MAGEL2: variants seen among roughly 807,000 people sequenced by gnomAD.
MAGEL2 encodes the protein MAGE-like protein 2.
For synonymous variants in MAGEL2, 792 were observed against 721.7 expected (o/e 1.10, Z -1.56); for missense variants, 1,830 against 1,699.2 (o/e 1.08, Z -1.35).
rs374261657 is a variant in MAGEL2, at chr15:23,644,625, G to C, written c.3118C>G (p.Pro1040Ala). The change falls in exon 1 of 1, where the codon CCT becomes GCT. Residue 1040 changes from proline to alanine, a missense_variant. Pro to Ala is a conservative substitution (Grantham distance 27). Transcript: ENST00000650528. ...TTCACCATCTCCGAGCGCTGGACAG[G>C]CACCTTGGCTTGGTCCTTGACTAAG... ...FLLVKDQAKV[P>A]VQRSEMVKVI... 6 of 1,613,716 alleles carry C rather than the reference G, an allele frequency of 3.7e-6. No individual in the cohort carries two copies. The African/African-American group carries it at 8.0e-5, about 22-fold the overall frequency.
chr15:23,645,250 C>G lies in MAGEL2; in HGVS notation c.2493G>C (p.Leu831=), dbSNP rs1249235195. The G allele has an allele frequency of 3.7e-6, 6 of 1,613,886 alleles. No individual in the cohort carries two copies. In the Admixed American group the frequency reaches 6.7e-5, roughly 18 times the overall value. ...GCTGTGGGACCCATGGAACTGCAGG[C>G]AGGGCCTCTACACAGGCAAAGGGAT... The part of the protein sequence containing the change: ...LQDPFACVEA[L]PAVPWVPQPN... Residue 831 remains leucine (L), a synonymous_variant, in exon 1 of 1, where the codon CTG becomes CTC. Transcript: ENST00000650528.
Position 23,647,456 on chromosome 15 carries a change from C to A in MAGEL2, c.287G>T (p.Gly96Val). 6.5e-7 allele frequency: 1 copy of A among 1,534,890 alleles called. No individual in the cohort carries two copies. The highest frequency in any genetic ancestry group is 1.2e-5 in the South Asian group (1 of 83,930). The change falls in exon 1 of 1, where the codon GGG (glycine) becomes GTG (valine). Residue 96 changes from glycine (G) to valine (V), a missense_variant. Coordinates refer to ENST00000650528, the MANE Select transcript of MAGEL2 (RefSeq NM_019066.5). ...AGTCGGAGGCTTACCCATCGGGCCC[C>A]CCAGCGGGGGAGCCGGGACTATCGG... ...GGPIVPAPPLGGPMGKPPTPG... is the reference protein window; with the variant it reads ...GGPIVPAPPLVGPMGKPPTPG...
rs1186173993 is a variant in MAGEL2 at position 23,646,477 on chromosome 15, G to A, written c.1266C>T (p.Pro422=). The change falls in exon 1 of 1, where the codon CCC becomes CCT. Residue 422 remains proline, a synonymous_variant. Transcript: ENST00000650528. The surrounding 1 kb of genome is among the most constrained non-coding windows in gnomAD (Gnocchi z 4.2). ...GPPPIRPGPP[P]IRPGPPPVRQ... is the part of the protein sequence containing the mutation. ...GCACCGGTGGTGGGCCAGGGCGGAT[G>A]GGTGGTGGGCCAGGGCGGATGGGCG... is the stretch of plus-strand genomic sequence containing the variant. 8 of 1,440,674 alleles carry A rather than the reference G, an allele frequency of 5.6e-6. No homozygotes were observed. Among genetic ancestry groups the A allele is most frequent in the Non-Finnish European group, 6.3e-6 (7 of 1,104,638 alleles). 89.2% of individuals were successfully genotyped at this position (1,440,674 alleles called of 1,614,324 possible).
Position 23,646,555 on chromosome 15 carries a change from C to T in MAGEL2, c.1188G>A (p.Trp396Ter), listed in dbSNP as rs1890410630. 6 of 1,474,154 alleles carry T rather than the reference C, an allele frequency of 4.1e-6. No homozygotes were observed. Among genetic ancestry groups the T allele is most frequent in the African/African-American group, 1.4e-5 (1 of 71,296 alleles). The allele number at this position is 1,474,154 out of a possible 1,614,324, so 91.3% of individuals were successfully genotyped here. Reference sequence around the variant, plus strand: ...CCTGCCAGGTAACGGCTGGTGCCTGCCAGGTGACCTGCGTGGTCTGCCAAG... The same window carrying T: ...CCTGCCAGGTAACGGCTGGTGCCTGTCAGGTGACCTGCGTGGTCTGCCAAG... Reference protein sequence around the residue: ...PLTWQTTQVTWQAPAVTWQVP... With the variant: ...PLTWQTTQVT Residue 396 changes from tryptophan (W) to a stop codon, truncating the protein, a stop_gained, in exon 1 of 1, where the codon TGG becomes TGA. Transcript: ENST00000650528. LOFTEE classifies it low-confidence loss of function (END_TRUNC). The surrounding 1 kb of genome is among the most constrained non-coding windows in gnomAD (Gnocchi z 4.2).
At position 23,647,250 on chromosome 15, in the gene MAGEL2, G is replaced by C. The variant is rs1890436960; in HGVS notation, c.493C>G (p.Pro165Ala). ...GGAGGATGGGCCATCGGGGTCCCCG[G>C]AGGAGGAGGATGGGCCATTGGGGTC... is the stretch of plus-strand genomic sequence containing the variant. ...PGTPMAHPPP[P>A]GTPMAHPPPP... Residue 165 changes from proline to alanine, a missense_variant, in exon 1 of 1, where the codon CCG becomes GCG. Transcript: ENST00000650528. The C allele has an allele frequency of 2.6e-6, 4 of 1,528,630 alleles. No individual in the cohort carries two copies. The South Asian group carries it at 3.6e-5, about 14-fold the overall frequency. 94.7% of individuals were successfully genotyped at this position (1,528,630 alleles called of 1,614,324 possible). A position where few individuals can be genotyped will look rare whatever the true frequency, so the allele number is the denominator to read the frequency against.
chr15:23,644,663 A>G lies in MAGEL2; in HGVS notation c.3080T>C (p.Leu1027Ser), dbSNP rs767400841. ...GTCCTTGACTAAGAGGAACTGCACC[A>G]ACGCATTTGCCCTCTCATCCAAGGG... is the stretch of plus-strand genomic sequence containing the variant. ...LSPLDERANA[L>S]VQFLLVKDQA... Residue 1027 changes from leucine (L) to serine (S), a missense_variant, in exon 1 of 1, where the codon TTG becomes TCG. Transcript: ENST00000650528. 4 of 1,613,876 alleles carry G rather than the reference A, an allele frequency of 2.5e-6. No individual in the cohort carries two copies. The South Asian group carries it at 4.4e-5, about 18-fold the overall frequency.
rs1595334353 is a variant in MAGEL2 at position 23,647,755 on chromosome 15, A to T, written c.-13T>A. The T allele has an allele frequency of 6.9e-7, 1 of 1,440,020 alleles. No individual in the cohort carries two copies. The highest frequency in any genetic ancestry group is 1.5e-5 in the South Asian group (1 of 67,574). 89.2% of individuals were successfully genotyped at this position (1,440,020 alleles called of 1,614,324 possible). On this transcript the variant is annotated 5_prime_UTR_variant, in exon 1 of 1. Coordinates refer to ENST00000650528, the MANE Select transcript of MAGEL2 (RefSeq NM_019066.5). ...TTAGCTGCGACATGTCCCTTTGCTGACAGCTGGTGGGTCTTTTCCTCGGAC... is the reference window on the plus strand; with the variant it reads ...TTAGCTGCGACATGTCCCTTTGCTGTCAGCTGGTGGGTCTTTTCCTCGGAC...
chr15:23,647,232 G>A lies in MAGEL2; in HGVS notation c.511C>T (p.His171Tyr). 1 of 1,524,960 alleles carries A rather than the reference G, an allele frequency of 6.6e-7. No individual in the cohort carries two copies. The highest frequency in any genetic ancestry group is 8.8e-7 in the Non-Finnish European group (1 of 1,140,366). The allele number at this position is 1,524,960 out of a possible 1,614,324, so 94.5% of individuals were successfully genotyped here. ...ATCGGGGTCCCCGGAGGAGGAGGAT[G>A]GGCCATCGGGGTCCCCGGAGGAGGA... ...HPPPPGTPMAHPPPPGTPMVH... is the reference protein window; with the variant it reads ...HPPPPGTPMAYPPPPGTPMVH... The change falls in exon 1 of 1, where the codon CAT (histidine) becomes TAT (tyrosine). Residue 171 changes from histidine (H) to tyrosine (Y), a missense_variant. Transcript: ENST00000650528.
Position 23,645,117 on chromosome 15 carries a change from C to T in MAGEL2, c.2626G>A (p.Val876Ile), listed in dbSNP as rs368616206. ...ATTQEASKTS[V>I]EPPRRSGKAT... is the part of the protein sequence containing the mutation. The stretch of plus-strand genomic sequence containing the variant: ...TTGCCGGAGCGGCGTGGCGGCTCGA[C>T]GGAGGTCTTGGAGGCCTCTTGAGTG... The change falls in exon 1 of 1, where the codon GTC (valine) becomes ATC (isoleucine). Residue 876 changes from valine (V) to isoleucine (I), a missense_variant. Val to Ile is a conservative substitution (Grantham distance 29, BLOSUM62 3). Transcript: ENST00000650528. 8.7e-6 allele frequency: 14 copies of T among 1,613,764 alleles called. No homozygotes were observed. Among genetic ancestry groups the T allele is most frequent in the South Asian group, 2.2e-5 (2 of 91,090 alleles).
rs1401678771 is a variant in MAGEL2, at chr15:23,644,561, A to C, written c.3182T>G (p.Ile1061Ser). ...LREYKDECLDIINRANNKLEC... is the reference protein window; with the variant it reads ...LREYKDECLDSINRANNKLEC... ...CAGCTTATTGTTGGCACGGTTGATG[A>C]TATCTAAGCACTCATCTTTATACTC... The change falls in exon 1 of 1, where the codon ATC becomes AGC. Residue 1061 changes from isoleucine to serine, a missense_variant. Physicochemically the swap from Ile to Ser is moderately radical, Grantham distance 142. Coordinates refer to ENST00000650528, the MANE Select transcript of MAGEL2 (RefSeq NM_019066.5). The C allele has an allele frequency of 8.7e-6, 14 of 1,613,750 alleles. No individual in the cohort carries two copies. The highest frequency in any genetic ancestry group is 1.3e-5 in the African/African-American group (1 of 74,866).
rs1306186448 is a variant in MAGEL2, at chr15:23,646,515, G to A, written c.1228C>T (p.Arg410Cys). Residue 410 changes from arginine to cysteine, a missense_variant, in exon 1 of 1, where the codon CGC becomes TGC. By Grantham distance (180) the Arg-to-Cys change is radical (BLOSUM62 -3). Coordinates refer to ENST00000650528, the MANE Select transcript of MAGEL2 (RefSeq NM_019066.5). The surrounding 1 kb of genome is among the most constrained non-coding windows in gnomAD (Gnocchi z 4.2). ...AVTWQVPPPM[R>C]QGPPPIRPGP... ...GGGCGGATGGGCGGGGGCCCCTGGC[G>A]CATGGGCGGCGGCACCTGCCAGGTA... 3.4e-6 allele frequency: 5 copies of A among 1,464,506 alleles called. No individual in the cohort carries two copies. The highest frequency in any genetic ancestry group is 2.8e-5 in the African/African-American group (2 of 70,688). 90.7% of individuals were successfully genotyped at this position (1,464,506 alleles called of 1,614,324 possible). A position where few individuals can be genotyped will look rare whatever the true frequency, so the allele number is the denominator to read the frequency against.
chr15:23,644,225 G>A lies in MAGEL2; in HGVS notation c.3518C>T (p.Pro1173Leu). Residue 1173 changes from proline to leucine, a missense_variant, in exon 1 of 1, where the codon CCT becomes CTT. Transcript: ENST00000650528. ...RQKYLEYRRI[P>L]YTEPAEYEFL... ...CTCATACTCTGCGGGCTCAGTGTAA[G>A]GGATTCGCCTGTACTCTAGGTACTT... is the stretch of plus-strand genomic sequence containing the variant. 1 of 1,613,870 alleles carries A rather than the reference G, an allele frequency of 6.2e-7. No homozygotes were observed. The highest frequency in any genetic ancestry group is 1.1e-5 in the South Asian group (1 of 91,074).
chr15:23,647,835 G>C lies in MAGEL2; in HGVS notation c.-93C>G. 1 of 1,296,634 alleles carries C rather than the reference G, an allele frequency of 7.7e-7. No individual in the cohort carries two copies. Among genetic ancestry groups the C allele is most frequent in the Non-Finnish European group, 1.0e-6 (1 of 983,912 alleles). The allele number at this position is 1,296,634 out of a possible 1,614,324, so 80.3% of individuals were successfully genotyped here. On this transcript the variant is annotated 5_prime_UTR_variant, in exon 1 of 1. Coordinates refer to ENST00000650528, the MANE Select transcript of MAGEL2 (RefSeq NM_019066.5). ...GAGAATGCCTACGTGGCTGTTCAGA[G>C]GCTCCCTCCCTGCTGAATGCTGAAT...
Position 23,645,174 on chromosome 15 carries a change from C to A in MAGEL2, c.2569G>T (p.Ala857Ser). The A allele has an allele frequency of 1.2e-6, 2 of 1,613,832 alleles. No individual in the cohort carries two copies. The highest frequency in any genetic ancestry group is 1.7e-6 in the Non-Finnish European group (2 of 1,179,900). The change falls in exon 1 of 1, where the codon GCT (alanine) becomes TCT (serine). Residue 857 changes from alanine to serine, a missense_variant. Physicochemically the swap from Ala to Ser is moderately conservative, Grantham distance 99. Coordinates refer to ENST00000650528, the MANE Select transcript of MAGEL2 (RefSeq NM_019066.5). ...GTTGCCTGGGGGGCAGCTGCTGTAG[C>A]CATCAGGAAGGTGGGCACTGCCTGC... ...ASQAVPTFLMATAAAPQATAT... is the reference protein window; with the variant it reads ...ASQAVPTFLMSTAAAPQATAT...
rs1890389252 is a variant in MAGEL2 at position 23,645,868 on chromosome 15, G to A, written c.1875C>T (p.His625=). The A allele has an allele frequency of 6.3e-7, 1 of 1,577,628 alleles. No homozygotes were observed. The highest frequency in any genetic ancestry group is 8.6e-7 in the Non-Finnish European group (1 of 1,162,154). The change falls in exon 1 of 1, where the codon CAC becomes CAT. Residue 625 remains histidine (H), a synonymous_variant. Transcript: ENST00000650528. ...CCTGGGCAGGCAGGGGCTGCCAGATGTGAGTGGGGGCCTTCTGGGCCTGCC... is the reference window on the plus strand; with the variant it reads ...CCTGGGCAGGCAGGGGCTGCCAGATATGAGTGGGGGCCTTCTGGGCCTGCC... ...LAWQAQKAPT[H]IWQPLPAQEA...
In MAGEL2 at chr15:23,646,635, C is replaced by T. The variant is rs1250849877; in HGVS notation, c.1108G>A (p.Ala370Thr). The change falls in exon 1 of 1, where the codon GCG (alanine) becomes ACG (threonine). Residue 370 changes from alanine to threonine, a missense_variant. Ala to Thr is a moderately conservative substitution (Grantham distance 58, BLOSUM62 0). Coordinates refer to ENST00000650528, the MANE Select transcript of MAGEL2 (RefSeq NM_019066.5). This position sits in a 1 kb window ranked among gnomAD's most constrained non-coding sequence, Gnocchi z 4.2. ...GTGGCCTGCCATCCTGGCGAGGTCG[C>T]CTGCCAGCCCGGGGGTGTGGCTAGC... ...AQLATPPGWQ[A>T]TSPGWQATQQ... The T allele has an allele frequency of 6.8e-7, 1 of 1,478,504 alleles. No individual in the cohort carries two copies. The highest frequency in any genetic ancestry group is 2.5e-5 in the East Asian group (1 of 40,396). 91.6% of individuals were successfully genotyped at this position (1,478,504 alleles called of 1,614,324 possible). A position where few individuals can be genotyped will look rare whatever the true frequency, so the allele number is the denominator to read the frequency against.
Position 23,644,662 on chromosome 15 carries a change from C to A in MAGEL2, c.3081G>T (p.Leu1027Phe), listed in dbSNP as rs368338798. ...LSPLDERANALVQFLLVKDQA... is the reference protein window; with the variant it reads ...LSPLDERANAFVQFLLVKDQA... Reference sequence around the variant, plus strand: ...GGTCCTTGACTAAGAGGAACTGCACCAACGCATTTGCCCTCTCATCCAAGG... The same window carrying A: ...GGTCCTTGACTAAGAGGAACTGCACAAACGCATTTGCCCTCTCATCCAAGG... Residue 1027 changes from leucine to phenylalanine, a missense_variant, in exon 1 of 1, where the codon TTG (leucine) becomes TTT (phenylalanine). By Grantham distance (22) the Leu-to-Phe change is conservative. Coordinates refer to ENST00000650528, the MANE Select transcript of MAGEL2 (RefSeq NM_019066.5). 8 of 1,613,862 alleles carry A rather than the reference C, an allele frequency of 5.0e-6. No homozygotes were observed. Among genetic ancestry groups the A allele is most frequent in the Non-Finnish European group, 6.8e-6 (8 of 1,179,880 alleles).
chr15:23,646,326 G>A lies in MAGEL2; in HGVS notation c.1417C>T (p.Arg473Cys), dbSNP rs1470609743. 2 of 1,374,048 alleles carry A rather than the reference G, an allele frequency of 1.5e-6. No homozygotes were observed. The highest frequency in any genetic ancestry group is 1.5e-5 in the African/African-American group (1 of 64,764). The allele number at this position is 1,374,048 out of a possible 1,614,324, so 85.1% of individuals were successfully genotyped here. A position where few individuals can be genotyped will look rare whatever the true frequency, so the allele number is the denominator to read the frequency against. Reference sequence around the variant, plus strand: ...TGGCGGATCACAGGTGGGGCCTGGCGGATCACAGGTGGGGCCTGGCGGATC... The same window carrying A: ...TGGCGGATCACAGGTGGGGCCTGGCAGATCACAGGTGGGGCCTGGCGGATC... The part of the protein sequence containing the change: ...AVIRQAPPVI[R>C]QAPPVIRQAP... Residue 473 changes from arginine (R) to cysteine (C), a missense_variant, in exon 1 of 1, where the codon CGC (arginine) becomes TGC (cysteine). Coordinates refer to ENST00000650528, the MANE Select transcript of MAGEL2 (RefSeq NM_019066.5). The surrounding 1 kb of genome is among the most constrained non-coding windows in gnomAD (Gnocchi z 4.2).
At position 23,645,825 on chromosome 15, in the gene MAGEL2, G is replaced by T; in HGVS notation, c.1918C>A (p.Pro640Thr). 4 of 1,586,750 alleles carry T rather than the reference G, an allele frequency of 2.5e-6. No individual in the cohort carries two copies. Among genetic ancestry groups the T allele is most frequent in the Non-Finnish European group, 3.4e-6 (4 of 1,167,764 alleles). The change falls in exon 1 of 1, where the codon CCC becomes ACC. Residue 640 changes from proline (P) to threonine (T), a missense_variant. Transcript: ENST00000650528. ...GGCTGCTCCAGCTGGACCAAGGGGG[G>T]AGCCTGCCTCTGGGCCTCCTGGGCA... is the stretch of plus-strand genomic sequence containing the variant. Reference protein sequence around the residue: ...LPAQEAQRQAPPLVQLEQPFQ... With the variant: ...LPAQEAQRQATPLVQLEQPFQ...
Sources: gnomAD v4.1 joint callset for allele counts on GRCh38, gnomAD v4.1.1 for gene constraint, Gnocchi (gnomAD v3.1) non-coding constraint, MANE v1.5 for transcripts, NCBI Gene and HGNC (gene_info 2026-07-23, HGNC 2026-07-21) for gene names.